Variants in SH3D19 observed in about 807,000 individuals in gnomAD.
SH3D19 encodes the protein SH3 domain containing 19.
A neutral mutation model predicts 112.1 loss-of-function variants in SH3D19; 58 were observed. The ratio of observed to expected loss-of-function variants is 0.52; its 90% CI spans 0.42 to 0.64. The LOEUF (loss-of-function observed/expected upper bound fraction) is 0.64. SH3D19 is among the 30% of genes least tolerant of loss of function. The pLI, the probability that SH3D19 is intolerant of heterozygous loss-of-function variation, is 0.00. For missense variants in SH3D19, 1,090 were observed against 1,263.4 expected, an observed-to-expected ratio of 0.86 and a Z score of 2.08; for synonymous variants, 391 against 448.5, an observed-to-expected ratio of 0.87 and a Z score of 1.62.
At chr4:151,147,326 G>GT (rs765809709) in intron 11 of SH3D19, among the ~76,000 whole-genome samples, 24 of 152,224 alleles carry the variant, frequency 1.6e-4, no homozygotes, top group Non-Finnish European at 2.9e-4. Flanking sequence ...ACTCCCATTA[G>GT]TATAACCCAC....
chr4:151,323,167 C>T (rs1270621207), intron 1 of SH3D19, among the ~76,000 whole-genome samples: 2 of 152,002 alleles, frequency 1.3e-5, no homozygotes, highest in Non-Finnish European at 2.9e-5. Flanking sequence ...CAAAATTTAT[C>T]AGGGAGAGAA....
intron 1 of SH3D19, among the ~76,000 whole-genome samples, chr4:151,255,276 G>A (rs544352768): frequency 0.035 from 5,245 of 149,976 alleles, 245 homozygotes; most frequent in African/African-American, 0.12. Context: ...CAGACGGGGC[G>A]GTTGCCGGGC....
At chr4:151,280,073 C>T in intron 1 of SH3D19, 1 of 1,257,936 alleles carries the variant, frequency 7.9e-7, no homozygotes, top group East Asian at 2.3e-5. Context: ...CGGAAGGAAA[C>T]CCAGGTCATG....
intron 1 of SH3D19, among the ~76,000 whole-genome samples, chr4:151,300,345 G>GT (rs1385031155): frequency 2.0e-5 from 3 of 151,972 alleles, no homozygotes; most frequent in African/African-American, 7.3e-5. Flanking sequence ...TAAATCAAGT[G>GT]TTTGAGTCTC....
Position 151,282,213 on chromosome 4 carries a change from G to A in SH3D19, c.112+43028C>T, listed in dbSNP as rs746264104. ...ATTACAGTAGGTGACTCAAGGAAAC[G>A]TGTGAAGTACTACGTGTCCAAAATC... On this transcript the variant is annotated intron_variant, in intron 1 of 19. Coordinates refer to ENST00000604030, the MANE Select transcript of SH3D19 (RefSeq NM_001378122.1). 27 of 1,613,760 alleles carry A rather than the reference G, an allele frequency of 1.7e-5. No homozygotes were observed. In the African/African-American group the frequency reaches 2.3e-4, roughly 14 times the overall value.
rs1328308386 is a variant in SH3D19, at chr4:151,147,958, A to G, written c.2046T>C (p.Arg682=). Residue 682 remains arginine, a synonymous_variant, in exon 11 of 20, where the codon CGT becomes CGC. Coordinates refer to ENST00000604030, the MANE Select transcript of SH3D19 (RefSeq NM_001378122.1). Reference sequence around the variant, plus strand: ...TGTAGAGAGGGTGTCCTGGTTTGGGACGAGGGGGTAGCACCGGATCTTGAT... The same window carrying G: ...TGTAGAGAGGGTGTCCTGGTTTGGGGCGAGGGGGTAGCACCGGATCTTGAT... ...FKNQDPVLPP[R]PKPGHPLYSK... is the part of the protein sequence containing the mutation. The G allele has an allele frequency of 6.2e-7, 1 of 1,613,728 alleles. No homozygotes were observed. The highest frequency in any genetic ancestry group is 8.5e-7 in the Non-Finnish European group (1 of 1,179,894).
At chr4:151,239,663 A>G (rs1197243138) in intron 1 of SH3D19, among the ~76,000 whole-genome samples, 2 of 152,220 alleles carry the variant, frequency 1.3e-5, no homozygotes, top group Admixed American at 6.5e-5. Context: ...AGACATAGAT[A>G]AATGTAATCT....
At chr4:151,138,084 G>T (rs1217474961) in intron 13 of SH3D19, among the ~76,000 whole-genome samples, 1 of 152,082 alleles carries the variant, frequency 6.6e-6, no homozygotes, top group African/African-American at 2.4e-5. Flanking sequence ...ACCATGCTTT[G>T]ATTGATGGGA....
At chr4:151,151,847 T>A (rs1313453019) in intron 9 of SH3D19, among the ~76,000 whole-genome samples, 1 of 152,210 alleles carries the variant, frequency 6.6e-6, no homozygotes, top group Non-Finnish European at 1.5e-5. Context: ...GAAATTTTAA[T>A]TGCTTTTCTC....
intron 3 of SH3D19, among the ~76,000 whole-genome samples, chr4:151,186,214 A>G (rs1761752639): frequency 6.6e-6 from 1 of 152,214 alleles, no homozygotes; most frequent in Admixed American, 6.5e-5. Flanking sequence ...TTATTTAAAA[A>G]AGTGTTAAAA....
chr4:151,204,846 AGTCTCACTTT>A (rs1764875913), intron 2 of SH3D19, among the ~76,000 whole-genome samples: 1 of 152,114 alleles, frequency 6.6e-6, no homozygotes, highest in Non-Finnish European at 1.5e-5. Flanking sequence ...TTTGAGACAG[AGTCTCACTTT>A]GTCACCCAAG....
intron 11 of SH3D19, among the ~76,000 whole-genome samples, chr4:151,146,174 A>C (rs1349056151): frequency 1.3e-5 from 2 of 152,228 alleles, no homozygotes; most frequent in Non-Finnish European, 2.9e-5. Context: ...AAGAAAAAAT[A>C]ATTACTGGCT....
Position 151,283,270 on chromosome 4 carries a change from T to C in SH3D19, c.112+41971A>G, listed in dbSNP as rs956658072. 8 of 1,613,498 alleles carry C rather than the reference T, an allele frequency of 5.0e-6. No homozygotes were observed. In the East Asian group the frequency reaches 1.3e-4, roughly 27 times the overall value. On this transcript the variant is annotated intron_variant, in intron 1 of 19. Transcript: ENST00000604030. ...ATTTGTGCTGGTGATACTCAAAACA[T>C]GAAGGATAGTTGCAAGGTCAGGGTT...
At chr4:151,278,225 G>C (rs1773837137) in intron 1 of SH3D19, among the ~76,000 whole-genome samples, 1 of 152,082 alleles carries the variant, frequency 6.6e-6, no homozygotes, top group Non-Finnish European at 1.5e-5. Flanking sequence ...TCATATTCCT[G>C]ATGGTGACCT....
chr4:151,215,032 G>C (rs1039884878), intron 2 of SH3D19, among the ~76,000 whole-genome samples: 45 of 146,256 alleles, frequency 3.1e-4, no homozygotes, highest in African/African-American at 6.8e-4. Flanking sequence ...CATCCCAGAC[G>C]GGGCGGCGGG....
intron 1 of SH3D19, among the ~76,000 whole-genome samples, chr4:151,256,573 T>G (rs755937066): frequency 2.0e-5 from 3 of 152,170 alleles, no homozygotes; most frequent in Non-Finnish European, 4.4e-5. Flanking sequence ...CAGTCCCCTA[T>G]AGAACTGCAT....
chr4:151,230,772 G>A (rs1769547329), intron 1 of SH3D19, among the ~76,000 whole-genome samples: 1 of 151,760 alleles, frequency 6.6e-6, no homozygotes, highest in Non-Finnish European at 1.5e-5. Flanking sequence ...GTAGAGATGG[G>A]GTTTCACCAT....
chr4:151,271,402 G>A (rs190752150), intron 1 of SH3D19, among the ~76,000 whole-genome samples: 4 of 152,304 alleles, frequency 2.6e-5, no homozygotes, highest in Admixed American at 2.6e-4. Context: ...TATCCTCAGG[G>A]TGCTCAAAAG....
rs1367203305 is a variant in SH3D19, at chr4:151,291,751, T to C, written c.112+33490A>G. Among the ~76,000 whole-genome samples the C allele has an allele frequency of 2.0e-5, 3 of 152,148 alleles. 1 individual carries two copies. Among genetic ancestry groups the C allele is most frequent in the African/African-American group, 7.2e-5 (3 of 41,446 alleles). On this transcript the variant is annotated intron_variant, in intron 1 of 19. Transcript: ENST00000604030. ...TTGTAGACACAAATTAAATAGCTAC[T>C]ACAGAGGCAGGCAAGTATCTGTGAT...
Sources: gnomAD v4.1 joint callset for allele counts (sites outside exome capture counted in the v4.1 genomes callset) on GRCh38, gnomAD v4.1.1 for gene constraint, MANE v1.5 for transcripts, NCBI Gene and HGNC (gene_info 2026-07-23, HGNC 2026-07-21) for gene names.